L3MBTL4: variants seen among roughly 807,000 people sequenced by gnomAD.
L3MBTL4 encodes the protein L3MBTL histone methyl-lysine binding protein 4.
In L3MBTL4, 70 loss-of-function variants were observed where a neutral mutation model predicts 84.5. The observed-to-expected ratio is 0.83, with a 90% CI of 0.68 to 1.01. The LOEUF (loss-of-function observed/expected upper bound fraction) is 1.01, where lower values mean the gene tolerates loss of function less well. L3MBTL4 is among the 50% of genes least tolerant of loss of function. The probability of loss-of-function intolerance (pLI) is 0.00; values close to 1 mark genes in which losing one functional copy is unlikely to be tolerated. For synonymous variants in L3MBTL4, 274 were observed against 259.8 expected, an observed-to-expected ratio of 1.05 and a Z score of -0.52; for missense variants, 715 against 754.8, an observed-to-expected ratio of 0.95 and a Z score of 0.62.
intron 1 of L3MBTL4, among the ~76,000 whole-genome samples, chr18:6,392,028 G>A (rs922068546): frequency 6.6e-6 from 1 of 151,972 alleles, no homozygotes. Context: ...AACCAAAAAG[G>A]AGCCCAAATA....
At chr18:6,404,812 C>T (rs557846712) in intron 1 of L3MBTL4, among the ~76,000 whole-genome samples, 18 of 151,920 alleles carry the variant, frequency 1.2e-4, no homozygotes, top group African/African-American at 3.1e-4. Flanking sequence ...TTAACCTCCA[C>T]GTAGCTGGGA....
intron 12 of L3MBTL4, among the ~76,000 whole-genome samples, chr18:6,178,663 T>C (rs370044192): frequency 6.6e-6 from 1 of 152,240 alleles, no homozygotes; most frequent in African/African-American, 2.4e-5. Flanking sequence ...CTCAAGTTCT[T>C]ATCCTTCAAC....
intron 15 of L3MBTL4, among the ~76,000 whole-genome samples, chr18:6,091,615 C>G (rs1034599467): frequency 2.0e-5 from 3 of 152,084 alleles, no homozygotes; most frequent in Non-Finnish European, 4.4e-5. Flanking sequence ...TAATAAAGCA[C>G]GTAACAATTA....
chr18:6,165,404 G>GA (rs1186379341), intron 13 of L3MBTL4, among the ~76,000 whole-genome samples: 3 of 152,166 alleles, frequency 2.0e-5, no homozygotes, highest in Non-Finnish European at 4.4e-5. Context: ...TTGAAATGAA[G>GA]AAAAAAATGG....
chr18:6,408,462 C>A (rs1371849415), intron 1 of L3MBTL4, among the ~76,000 whole-genome samples: 1 of 152,154 alleles, frequency 6.6e-6, no homozygotes, highest in Non-Finnish European at 1.5e-5. Flanking sequence ...GATATTTAAA[C>A]CAGTATTTTA....
intron 14 of L3MBTL4, among the ~76,000 whole-genome samples, chr18:6,134,791 G>A (rs998615873): frequency 2.6e-5 from 4 of 152,162 alleles, no homozygotes; most frequent in Non-Finnish European, 5.9e-5. Flanking sequence ...GGTGTTGAGT[G>A]CCTGCAGCCT....
At chr18:6,219,894 G>T (rs1429134041) in intron 10 of L3MBTL4, among the ~76,000 whole-genome samples, 1 of 151,944 alleles carries the variant, frequency 6.6e-6, no homozygotes, top group Non-Finnish European at 1.5e-5. Context: ...CAAAGGAGGA[G>T]GCCCTGTGTG....
chr18:6,146,861 G>A (rs2042677349), intron 13 of L3MBTL4, among the ~76,000 whole-genome samples: 1 of 152,126 alleles, frequency 6.6e-6, no homozygotes, highest in South Asian at 2.1e-4. Flanking sequence ...GATGAGCAGT[G>A]GGGCGATCAG....
chr18:6,309,012 C>T (rs887561796), intron 3 of L3MBTL4, among the ~76,000 whole-genome samples: 1 of 152,152 alleles, frequency 6.6e-6, no homozygotes, highest in African/African-American at 2.4e-5. Flanking sequence ...TTAATATTAT[C>T]ATCTAAAATT....
intron 1 of L3MBTL4, among the ~76,000 whole-genome samples, chr18:6,362,155 G>GGA (rs1555743728): frequency 3.5e-5 from 4 of 113,794 alleles, no homozygotes; most frequent in East Asian, 3.2e-4. Flanking sequence ...GGGAGGGGGG[G>GGA]AAGAGAAGGA....
At chr18:5,958,936 T>G (rs2095248203) in intron 18 of L3MBTL4, among the ~76,000 whole-genome samples, 1 of 152,142 alleles carries the variant, frequency 6.6e-6, no homozygotes, top group East Asian at 1.9e-4. Context: ...AAGCAAGCCT[T>G]GATCATCGCT....
chr18:6,287,504 T>C (rs1400477998), intron 4 of L3MBTL4, among the ~76,000 whole-genome samples: 1 of 152,204 alleles, frequency 6.6e-6, no homozygotes, highest in Non-Finnish European at 1.5e-5. Context: ...TGGCATACTA[T>C]ACAAGCAAGA....
intron 13 of L3MBTL4, among the ~76,000 whole-genome samples, chr18:6,145,649 T>C (rs1266476484): frequency 1.3e-5 from 2 of 151,892 alleles, no homozygotes; most frequent in African/African-American, 4.8e-5. Flanking sequence ...CACTAGAAGA[T>C]GTACAAACAC....
rs146765905 is a variant in L3MBTL4, at chr18:6,127,768, C to T, written c.1199+10426G>A. Among the ~76,000 whole-genome samples the T allele has an allele frequency of 3.1e-4, 47 of 152,192 alleles. No homozygotes were observed. In the East Asian group the frequency reaches 8.9e-3, roughly 29 times the overall value. ...GAACCGTCTTCTTTTTTGGAAGTAA[C>T]TTTCTTACTCAAAGGACAAGATCTC... On this transcript the variant is annotated intron_variant, in intron 14 of 18. Coordinates refer to ENST00000317931, the MANE Select transcript of L3MBTL4 (RefSeq NM_001330559.2).
chr18:6,090,323 CATAA>C (rs1356049794), intron 15 of L3MBTL4, among the ~76,000 whole-genome samples: 4 of 151,894 alleles, frequency 2.6e-5, no homozygotes, highest in Non-Finnish European at 4.4e-5. Context: ...AAAATGTGAA[CATAA>C]ATAGACTATT....
intron 14 of L3MBTL4, among the ~76,000 whole-genome samples, chr18:6,116,283 G>A (rs2057725340): frequency 6.6e-6 from 1 of 152,114 alleles, no homozygotes; most frequent in African/African-American, 2.4e-5. Context: ...AGAAGTGCTG[G>A]GGGCATGGGA....
intron 13 of L3MBTL4, among the ~76,000 whole-genome samples, chr18:6,169,906 A>T (rs2043881303): frequency 6.6e-6 from 1 of 152,096 alleles, no homozygotes. Context: ...GCTCAATTTC[A>T]AATCTGGAAC....
intron 16 of L3MBTL4, chr18:6,029,329 A>T (rs1260202055): frequency 2.2e-6 from 1 of 457,944 alleles, no homozygotes; most frequent in Non-Finnish European, 2.9e-6. Context: ...TAATTAAGAT[A>T]TTTCAGTTCA....
intron 1 of L3MBTL4, among the ~76,000 whole-genome samples, chr18:6,345,413 CAAACAAACAAAA>C (rs1568528722): frequency 1.3e-5 from 2 of 149,696 alleles, no homozygotes; most frequent in Non-Finnish European, 3.0e-5. Flanking sequence ...AACAAACAAA[CAAACAAACAAAA>C]AAAACCATAA....
Sources: gnomAD v4.1 joint callset for allele counts (sites outside exome capture counted in the v4.1 genomes callset) on GRCh38, gnomAD v4.1.1 for gene constraint, MANE v1.5 for transcripts, NCBI Gene and HGNC (gene_info 2026-07-23, HGNC 2026-07-21) for gene names.